The following CALCR variants were observed in gnomAD, a reference collection of about 807,000 sequenced individuals.
CALCR encodes calcitonin receptor.
A neutral mutation model predicts 59.5 loss-of-function variants in CALCR; 47 were observed. That is an observed-to-expected ratio of 0.79 (90% CI 0.63 to 1.01). The LOEUF (loss-of-function observed/expected upper bound fraction) is 1.01, where lower values mean the gene tolerates loss of function less well. Ranked by LOEUF, CALCR falls within the 50% of genes least tolerant of loss-of-function variation. The probability of loss-of-function intolerance (pLI) is 0.00; values close to 1 mark genes in which losing one functional copy is unlikely to be tolerated. For missense variants in CALCR, 566 were observed against 597.1 expected (o/e 0.95, Z 0.54); for synonymous variants, 213 against 211.3 (o/e 1.01, Z -0.07).
chr7:93,532,838 C>CA (rs57128008), intron 2 of CALCR, among the ~76,000 whole-genome samples: 3,898 of 95,370 alleles, frequency 0.041, 154 homozygotes, highest in Non-Finnish European at 0.054. Context: ...ATGTCCAAAG[C>CA]AAAAAAAAAA....
intron 8 of CALCR, among the ~76,000 whole-genome samples, chr7:93,459,208 G>A (rs12019357): frequency 6.6e-6 from 1 of 152,084 alleles, no homozygotes; most frequent in Non-Finnish European, 1.5e-5. Flanking sequence ...TCTGGTAGAT[G>A]TGGAAAACTA....
chr7:93,508,499 C>G (rs965291891), intron 2 of CALCR, among the ~76,000 whole-genome samples: 9 of 152,208 alleles, frequency 5.9e-5, no homozygotes, highest in Middle Eastern at 3.4e-3. Context: ...AGCCTTAATT[C>G]TAATTCTGCT....
chr7:93,520,829 G>A (rs1162496883), intron 2 of CALCR, among the ~76,000 whole-genome samples: 2 of 151,968 alleles, frequency 1.3e-5, no homozygotes, highest in African/African-American at 4.8e-5. Flanking sequence ...GAGTTCTATT[G>A]AATTTAAAGA....
At chr7:93,568,170 A>G (rs1186595518) in intron 2 of CALCR, among the ~76,000 whole-genome samples, 1 of 152,304 alleles carries the variant, frequency 6.6e-6, no homozygotes, top group East Asian at 1.9e-4. Flanking sequence ...AGGGATATCA[A>G]TCATGATGTG....
At chr7:93,488,250 T>C (rs1388711392) in intron 2 of CALCR, among the ~76,000 whole-genome samples, 2 of 151,642 alleles carry the variant, frequency 1.3e-5, no homozygotes, top group African/African-American at 4.8e-5. Flanking sequence ...CAAGAGCTCC[T>C]GAAAGAAGCA....
intron 2 of CALCR, among the ~76,000 whole-genome samples, chr7:93,561,750 C>T (rs555668673): frequency 1.3e-5 from 2 of 152,076 alleles, no homozygotes; most frequent in Non-Finnish European, 2.9e-5. Flanking sequence ...TGTCGTGGAT[C>T]AGCATGGATC....
chr7:93,558,755 A>T (rs1372512922), intron 2 of CALCR, among the ~76,000 whole-genome samples: 5 of 152,152 alleles, frequency 3.3e-5, no homozygotes, highest in Non-Finnish European at 7.4e-5. Flanking sequence ...GAAATGCTTC[A>T]CTCAAAACCT....
intron 4 of CALCR, among the ~76,000 whole-genome samples, chr7:93,477,976 A>ATAAAT (rs1396444178): frequency 6.7e-6 from 1 of 149,016 alleles, no homozygotes; most frequent in African/African-American, 2.5e-5. Context: ...AAAAAAAAAA[A>ATAAAT]AAAAAAAAAA....
At chr7:93,460,423 T>A (rs1037049278) in intron 8 of CALCR, among the ~76,000 whole-genome samples, 41 of 150,350 alleles carry the variant, frequency 2.7e-4, no homozygotes, top group Admixed American at 2.6e-3. Context: ...GGGCATGGTG[T>A]CGCATGCCTG....
chr7:93,430,519 C>G (rs1799637212), intron 13 of CALCR, among the ~76,000 whole-genome samples: 1 of 152,148 alleles, frequency 6.6e-6, no homozygotes, highest in African/African-American at 2.4e-5. Flanking sequence ...TAAAGGGTAA[C>G]AATACCTAAG....
chr7:93,571,115 A>G (rs1347892327), intron 2 of CALCR, among the ~76,000 whole-genome samples: 1 of 152,240 alleles, frequency 6.6e-6, no homozygotes, highest in Non-Finnish European at 1.5e-5. Context: ...ACAAGTTAGT[A>G]TCATTATGAA....
intron 12 of CALCR, 25 bp downstream of exon 12, chr7:93,435,927 A>T: frequency 7.2e-7 from 1 of 1,392,624 alleles, no homozygotes; most frequent in South Asian, 1.2e-5. Flanking sequence ...CAGTAGTTGA[A>T]TAAATACACC....
intron 2 of CALCR, among the ~76,000 whole-genome samples, chr7:93,547,862 G>A (rs563614208): frequency 3.9e-5 from 6 of 152,152 alleles, no homozygotes; most frequent in East Asian, 1.9e-4. Flanking sequence ...AACATTGTAC[G>A]GGGGGTAGTT....
intron 2 of CALCR, among the ~76,000 whole-genome samples, chr7:93,516,865 C>T (rs1181705794): frequency 6.6e-6 from 1 of 151,704 alleles, no homozygotes; most frequent in Non-Finnish European, 1.5e-5. Context: ...CTTAAATTAT[C>T]GCGGGTTTTT....
At chr7:93,486,306 T>G (rs1434514033) in intron 3 of CALCR, among the ~76,000 whole-genome samples, 1 of 151,634 alleles carries the variant, frequency 6.6e-6, no homozygotes, top group African/African-American at 2.4e-5. Context: ...TTCTCTAAGA[T>G]GATTATATTT....
At chr7:93,438,156 A>C in intron 10 of CALCR, 30 bp from the exon 11 acceptor site, 2 of 1,613,000 alleles carry the variant, frequency 1.2e-6, no homozygotes, top group Non-Finnish European at 1.7e-6. Flanking sequence ...CAATTAATAC[A>C]CAAATACATT....
At chr7:93,465,121 C>G (rs192296014) in intron 7 of CALCR, among the ~76,000 whole-genome samples, 1 of 151,850 alleles carries the variant, frequency 6.6e-6, no homozygotes, top group East Asian at 1.9e-4. Flanking sequence ...ACATGGATAA[C>G]AATGAGTCAA....
chr7:93,523,840 T>C (rs1260822340), intron 2 of CALCR, among the ~76,000 whole-genome samples: 2 of 152,128 alleles, frequency 1.3e-5, no homozygotes, highest in African/African-American at 4.8e-5. Context: ...CAATATCTAA[T>C]ATTTTGATAA....
chr7:93,440,085 C>T (rs2115711702), intron 9 of CALCR, among the ~76,000 whole-genome samples: 1 of 152,202 alleles, frequency 6.6e-6, no homozygotes, highest in Non-Finnish European at 1.5e-5. Context: ...AAACATTATT[C>T]ACAGCTGAAT....
Sources: allele counts gnomAD v4.1 joint callset (sites outside exome capture counted in the v4.1 genomes callset), GRCh38; gene constraint gnomAD v4.1.1; transcripts MANE v1.5; gene names NCBI Gene and HGNC (gene_info 2026-07-23, HGNC 2026-07-21).